ETV5: variants seen among roughly 807,000 people sequenced by gnomAD.
The protein encoded by ETV5 is ETS variant transcription factor 5.
A neutral mutation model predicts 70.0 loss-of-function variants in ETV5; 10 were observed. The observed-to-expected ratio is 0.14, with a 90% confidence interval of 0.09 to 0.24. ETV5 has a LOEUF of 0.24. ETV5 is among the 10% of genes least tolerant of loss of function. ETV5 has a pLI of 1.00. For synonymous variants in ETV5, 216 were observed against 242.2 expected (o/e 0.89, Z 1.01); for missense variants, 453 against 651.2 (o/e 0.70, Z 3.31).
intron 5 of ETV5, among the ~76,000 whole-genome samples, chr3:186,082,249 T>C (rs1366884353): frequency 6.6e-6 from 1 of 152,192 alleles, no homozygotes; most frequent in Non-Finnish European, 1.5e-5. Context: ...AAGTTAAGCT[T>C]CTATGCTGGC....
At chr3:186,082,947 G>A (rs1713966751) in intron 5 of ETV5, among the ~76,000 whole-genome samples, 1 of 152,174 alleles carries the variant, frequency 6.6e-6, no homozygotes, top group Non-Finnish European at 1.5e-5. Context: ...AATGCCAACT[G>A]CTTTTCCTGA....
At chr3:186,091,826 G>T (rs1007004416) in intron 5 of ETV5, among the ~76,000 whole-genome samples, 1 of 152,208 alleles carries the variant, frequency 6.6e-6, no homozygotes, top group African/African-American at 2.4e-5. Flanking sequence ...ACCAACCTAA[G>T]ATCCAGATTC....
intron 7 of ETV5, among the ~76,000 whole-genome samples, chr3:186,077,628 T>A (rs140576230): frequency 2.7e-3 from 417 of 152,256 alleles, no homozygotes; most frequent in Non-Finnish European, 4.7e-3. Context: ...TTTCTCAAAG[T>A]GTGACAAGAC....
chr3:186,084,710 T>A (rs1037565042), intron 5 of ETV5, among the ~76,000 whole-genome samples: 2 of 152,136 alleles, frequency 1.3e-5, no homozygotes, highest in Non-Finnish European at 2.9e-5. Flanking sequence ...ACTAAAGGGC[T>A]TAGGGGTGCT....
intron 12 of ETV5, among the ~76,000 whole-genome samples, chr3:186,050,163 A>G (rs964854439): frequency 2.3e-4 from 35 of 152,184 alleles, no homozygotes; most frequent in Non-Finnish European, 7.3e-5. Context: ...AAGAATTATT[A>G]TCTATATTTT....
At chr3:186,064,119 A>C (rs1021606285) in intron 9 of ETV5, 3 of 408,660 alleles carry the variant, frequency 7.3e-6, no homozygotes, top group Admixed American at 3.9e-5. Flanking sequence ...TATACTGTTA[A>C]AAAGTTGGGG....
At chr3:186,051,981 T>C (rs1486595598) in intron 12 of ETV5, 49 bp downstream of exon 12, 3 of 1,585,804 alleles carry the variant, frequency 1.9e-6, no homozygotes, top group Admixed American at 3.4e-5. Flanking sequence ...CCTGGACTTT[T>C]TCCTTAAAAG....
At chr3:186,106,722 T>G (rs1288623335) in intron 1 of ETV5, among the ~76,000 whole-genome samples, 3 of 152,174 alleles carry the variant, frequency 2.0e-5, no homozygotes, top group Non-Finnish European at 2.9e-5. Flanking sequence ...CGGAATCATT[T>G]TTTTCTAGAC....
At position 186,046,668 on chromosome 3, in the gene ETV5, TC is replaced by T. The variant is rs376722374; in HGVS notation, c.*1970del. ...TATTGCTAAGACAGCATAAATCCAT[TC>T]AAAAGAAAAAAAAAAAAAATCCAAA... On this transcript the variant is annotated 3_prime_UTR_variant, in exon 13 of 13. Coordinates refer to ENST00000306376, the MANE Select transcript of ETV5 (RefSeq NM_004454.3). 0.079 allele frequency: 13,676 copies of T among 172,038 alleles called. 773 individuals are homozygous for T. Among genetic ancestry groups the T allele is most frequent in the African/African-American group, 0.22 (7,147 of 33,156 alleles). 10.7% of individuals were successfully genotyped at this position (172,038 alleles called of 1,614,324 possible). A position where few individuals can be genotyped will look rare whatever the true frequency, so the allele number is the denominator to read the frequency against.
At position 186,105,963 on chromosome 3, in the gene ETV5, A is replaced by G. The variant is rs572782385; in HGVS notation, c.-74-21T>C. 146 of 1,496,616 alleles carry G rather than the reference A, an allele frequency of 9.8e-5. No individual in the cohort carries two copies. In the South Asian group the frequency reaches 1.7e-3, roughly 17 times the overall value. 92.7% of individuals were successfully genotyped at this position (1,496,616 alleles called of 1,614,324 possible). ...TCCTCCTGTAATATGAATTTGGGAG[A>G]TTTTAACTAAGAGGGGGGAAAAAAA... On this transcript the variant is annotated intron_variant, in intron 1 of 12. Transcript: ENST00000306376. The surrounding 1 kb of genome is among the most constrained non-coding windows in gnomAD (Gnocchi z 4.5).
In ETV5 at chr3:186,065,922, A is replaced by G. The variant is rs748755783; in HGVS notation, c.801T>C (p.His267=). The G allele has an allele frequency of 6.2e-7, 1 of 1,613,548 alleles. No individual in the cohort carries two copies. Among genetic ancestry groups the G allele is most frequent in the Non-Finnish European group, 8.5e-7 (1 of 1,179,814 alleles). Residue 267 remains histidine, a synonymous_variant, in exon 8 of 13, where the codon CAT becomes CAC. Transcript: ENST00000306376. ...GGACCCCATGTTCATAGAGTGGGTC[A>G]TGGTATTCTTGTTTGAATCCCTGAG... ...PPPQGFKQEY[H]DPLYEHGVPG... is the part of the protein sequence containing the mutation.
chr3:186,091,639 C>G (rs1048505586), intron 5 of ETV5, among the ~76,000 whole-genome samples: 1 of 152,166 alleles, frequency 6.6e-6, no homozygotes, highest in Non-Finnish European at 1.5e-5. Context: ...GCTTCAGGAA[C>G]TGGTGTGTGG....
At chr3:186,071,269 C>T (rs961276368) in intron 7 of ETV5, among the ~76,000 whole-genome samples, 3 of 152,050 alleles carry the variant, frequency 2.0e-5, no homozygotes, top group Admixed American at 6.5e-5. Flanking sequence ...AAGCAGTGGC[C>T]GTTTAAAGGC....
At chr3:186,097,764 A>T (rs1714339084) in intron 5 of ETV5, among the ~76,000 whole-genome samples, 1 of 152,248 alleles carries the variant, frequency 6.6e-6, no homozygotes, top group African/African-American at 2.4e-5. Flanking sequence ...AACAGGGAGC[A>T]GCAGGGAAGC....
At chr3:186,071,241 G>A (rs1399746980) in intron 7 of ETV5, among the ~76,000 whole-genome samples, 2 of 152,140 alleles carry the variant, frequency 1.3e-5, no homozygotes, top group Non-Finnish European at 2.9e-5. Flanking sequence ...GTTATATAGT[G>A]ATTATGGGTG....
At chr3:186,055,476 C>G (rs1334555426) in intron 11 of ETV5, among the ~76,000 whole-genome samples, 1 of 152,208 alleles carries the variant, frequency 6.6e-6, no homozygotes, top group Non-Finnish European at 1.5e-5. Flanking sequence ...AGGCACTAAA[C>G]TAACACAGTG....
intron 1 of ETV5, chr3:186,106,808 G>T: frequency 3.2e-6 from 1 of 308,440 alleles, no homozygotes; most frequent in Non-Finnish European, 4.7e-6. Context: ...GGTGGGGTTA[G>T]AAGGGAGAAA....
At chr3:186,108,801 CGG>C (rs540828175) in intron 1 of ETV5, 137 bp downstream of exon 1, 3 of 334,016 alleles carry the variant, frequency 9.0e-6, no homozygotes, top group African/African-American at 4.5e-5. Context: ...GCGGTCAACC[CGG>C]GGGGGGTCAC....
chr3:186,047,096 A>G lies in ETV5; in HGVS notation c.*1543T>C. On this transcript the variant is annotated 3_prime_UTR_variant, in exon 13 of 13. Coordinates refer to ENST00000306376, the MANE Select transcript of ETV5 (RefSeq NM_004454.3). ...AGCACTGCCTCCTTCACATACGAGG[A>G]ACAGTGTAGTCATTCTTAATGTACT... The G allele has an allele frequency of 4.4e-6, 1 of 228,464 alleles. No homozygotes were observed. The highest frequency in any genetic ancestry group is 8.7e-6 in the Non-Finnish European group (1 of 114,742). 14.2% of individuals were successfully genotyped at this position (228,464 alleles called of 1,614,324 possible).
Sources: allele counts gnomAD v4.1 joint callset (sites outside exome capture counted in the v4.1 genomes callset), GRCh38; gene constraint gnomAD v4.1.1; non-coding constraint Gnocchi (gnomAD v3.1); transcripts MANE v1.5; gene names NCBI Gene and HGNC (gene_info 2026-07-23, HGNC 2026-07-21).